The following GRID2 variants were observed in gnomAD, a reference collection of about 807,000 sequenced individuals.
The protein encoded by GRID2 is glutamate ionotropic receptor delta type subunit 2.
Under a neutral mutation model 114.8 loss-of-function variants are expected in GRID2, and 33 were observed. That is an observed-to-expected ratio of 0.29 (90% CI 0.22 to 0.38). The LOEUF is 0.38. Among genes scored for constraint, GRID2 ranks in the 10% least tolerant of loss-of-function variants. GRID2 has a pLI of 1.00. For missense variants in GRID2, 1,184 were observed against 1,257.7 expected, an observed-to-expected ratio of 0.94 and a Z score of 0.89; for synonymous variants, 505 against 449.9, an observed-to-expected ratio of 1.12 and a Z score of -1.55.
intron 13 of GRID2, among the ~76,000 whole-genome samples, chr4:93,620,682 C>T (rs1351384044): frequency 6.6e-6 from 1 of 152,110 alleles, no homozygotes; most frequent in African/African-American, 2.4e-5. Context: ...GCAAGAAATG[C>T]AAATATTCAA....
At position 93,625,923 on chromosome 4, in the gene GRID2, C is replaced by A. The variant is rs547017934; in HGVS notation, c.2194-346C>A. 1.1e-3 allele frequency among the ~76,000 whole-genome samples: 161 copies of A among 152,028 alleles called. 1 individual carries two copies. Among genetic ancestry groups the A allele is most frequent in the African/African-American group, 3.0e-3 (124 of 41,434 alleles). On this transcript the variant is annotated intron_variant, in intron 13 of 15. Transcript: ENST00000282020. ...GAGCAAGACTCCGTCTCAGAAAAAA[C>A]AAAACAAAACAAAACAAAAATAAAG...
rs200865586 is a variant in GRID2 at position 93,597,945 on chromosome 4, T to C, written c.2194-28324T>C. On this transcript the variant is annotated intron_variant, in intron 13 of 15. Transcript: ENST00000282020. Reference sequence around the variant, plus strand: ...TCTGGATCAAATATAAACTGTTGCATTGAAAGCTTTCTGTTAGATAGCCCT... The same window carrying C: ...TCTGGATCAAATATAAACTGTTGCACTGAAAGCTTTCTGTTAGATAGCCCT... Among the ~76,000 whole-genome samples, 4 of 152,198 alleles carry C rather than the reference T, an allele frequency of 2.6e-5. No individual in the cohort carries two copies. The East Asian group carries it at 7.7e-4, about 29-fold the overall frequency.
chr4:92,769,371 T>A (rs980789387), intron 2 of GRID2, among the ~76,000 whole-genome samples: 2 of 152,078 alleles, frequency 1.3e-5, no homozygotes, highest in African/African-American at 2.4e-5. Flanking sequence ...CGGCGTTGAG[T>A]GTCTGTGGCT....
intron 13 of GRID2, among the ~76,000 whole-genome samples, chr4:93,605,276 C>T (rs1740112176): frequency 6.6e-6 from 1 of 152,134 alleles, no homozygotes; most frequent in African/African-American, 2.4e-5. Context: ...AGCCACATTT[C>T]AAGTGCTCAG....
At chr4:93,049,526 A>T (rs1726492476) in intron 2 of GRID2, among the ~76,000 whole-genome samples, 1 of 151,872 alleles carries the variant, frequency 6.6e-6, no homozygotes, top group South Asian at 2.1e-4. Context: ...CCCCAAAAAA[A>T]TTAATGCATT....
intron 2 of GRID2, among the ~76,000 whole-genome samples, chr4:92,806,967 C>T (rs1026786478): frequency 2.6e-5 from 4 of 151,880 alleles, no homozygotes; most frequent in African/African-American, 9.7e-5. Flanking sequence ...TAAAAACATG[C>T]ATTTTGGATA....
chr4:93,157,655 A>G (rs1233189125), intron 4 of GRID2, among the ~76,000 whole-genome samples: 1 of 151,688 alleles, frequency 6.6e-6, no homozygotes, highest in Non-Finnish European at 1.5e-5. Flanking sequence ...ATTACTAAGG[A>G]TGAATGAAAG....
intron 14 of GRID2, among the ~76,000 whole-genome samples, chr4:93,713,946 A>T (rs1327831798): frequency 6.6e-6 from 1 of 150,676 alleles, no homozygotes; most frequent in African/African-American, 2.4e-5. Context: ...ATTTTTTTTT[A>T]TTGTAAGTTC....
chr4:92,859,281 G>T (rs1158368428), intron 2 of GRID2, among the ~76,000 whole-genome samples: 4 of 152,036 alleles, frequency 2.6e-5, no homozygotes, highest in African/African-American at 7.2e-5. Context: ...TAGCAATAAA[G>T]AATTTTTTAA....
At chr4:92,862,619 C>A (rs1437309455) in intron 2 of GRID2, among the ~76,000 whole-genome samples, 2 of 152,034 alleles carry the variant, frequency 1.3e-5, no homozygotes, top group Non-Finnish European at 2.9e-5. Context: ...AACTATAACT[C>A]CAAGCATGTC....
At chr4:92,882,423 CTG>C (rs1178934573) in intron 2 of GRID2, among the ~76,000 whole-genome samples, 2 of 151,942 alleles carry the variant, frequency 1.3e-5, no homozygotes, top group African/African-American at 2.4e-5. Context: ...TAATGTAAGA[CTG>C]TAAATAATTT....
chr4:93,083,594 G>A (rs922615099), intron 2 of GRID2, among the ~76,000 whole-genome samples: 4 of 151,424 alleles, frequency 2.6e-5, no homozygotes, highest in Non-Finnish European at 2.9e-5. Context: ...TACTCAGGAG[G>A]CTGAGGCAGG....
chr4:93,164,601 T>C (rs2149412984), intron 4 of GRID2: 1 of 229,560 alleles, frequency 4.4e-6, no homozygotes, highest in African/African-American at 2.2e-5. Context: ...TTTTAGGCTC[T>C]ATGTTGACTT....
chr4:93,052,947 G>C (rs1726864420), intron 2 of GRID2, among the ~76,000 whole-genome samples: 1 of 151,868 alleles, frequency 6.6e-6, no homozygotes, highest in Non-Finnish European at 1.5e-5. Flanking sequence ...TGTCTTAGCA[G>C]TGTGGCAAAG....
At chr4:92,556,893 C>A (rs76136411) in intron 1 of GRID2, among the ~76,000 whole-genome samples, 10,444 of 152,186 alleles carry the variant, frequency 0.069, 405 homozygotes, top group Middle Eastern at 0.19. Flanking sequence ...GACAAGGATA[C>A]TGGGAGGTGG....
intron 2 of GRID2, among the ~76,000 whole-genome samples, chr4:92,974,798 A>G (rs552641490): frequency 6.6e-6 from 1 of 152,262 alleles, no homozygotes; most frequent in East Asian, 1.9e-4. Flanking sequence ...ACAAAACTGC[A>G]CGTTCTGCAC....
intron 2 of GRID2, among the ~76,000 whole-genome samples, chr4:92,871,725 T>A (rs1745294471): frequency 6.6e-6 from 1 of 152,142 alleles, no homozygotes; most frequent in African/African-American, 2.4e-5. Flanking sequence ...TAATTTTAAG[T>A]TTTCAGAGTT....
intron 14 of GRID2, among the ~76,000 whole-genome samples, chr4:93,682,698 A>G (rs1389366699): frequency 6.7e-6 from 1 of 149,710 alleles, no homozygotes; most frequent in Non-Finnish European, 1.5e-5. Context: ...ACCAAACACC[A>G]TATGTTCTCA....
At chr4:92,726,226 GT>G (rs1736062839) in intron 2 of GRID2, among the ~76,000 whole-genome samples, 2 of 152,046 alleles carry the variant, frequency 1.3e-5, no homozygotes, top group Non-Finnish European at 1.5e-5. Flanking sequence ...ACAACCTTTA[GT>G]TTCTTCTCTC....
Sources: gnomAD v4.1 joint callset for allele counts (sites outside exome capture counted in the v4.1 genomes callset) on GRCh38, gnomAD v4.1.1 for gene constraint, MANE v1.5 for transcripts, NCBI Gene and HGNC (gene_info 2026-07-23, HGNC 2026-07-21) for gene names.